Variants in PPARA observed in about 807,000 individuals in gnomAD.
PPARA encodes the protein peroxisome proliferator activated receptor alpha, also known as peroxisome proliferator-activated receptor alpha.
A neutral mutation model predicts 42.2 loss-of-function variants in PPARA; 22 were observed. That is an observed-to-expected ratio of 0.52 (90% CI 0.37 to 0.74). The LOEUF is 0.74. Ranked by LOEUF, PPARA falls within the 30% of genes least tolerant of loss-of-function variation. The pLI is 0.00. For synonymous variants in PPARA, 242 were observed against 239.3 expected (o/e 1.01, Z -0.10); for missense variants, 465 against 608.2 (o/e 0.76, Z 2.48).
At chr22:46,213,662 T>A (rs948765591) in intron 4 of PPARA, among the ~76,000 whole-genome samples, 3 of 151,874 alleles carry the variant, frequency 2.0e-5, no homozygotes, top group African/African-American at 7.3e-5. Flanking sequence ...CGATCTTGGC[T>A]CACTGCAAGC....
rs1415178631 is a variant in PPARA at position 46,184,757 on chromosome 22, A to C, written c.-43+7921A>C. Among the ~76,000 whole-genome samples, 1 of 152,222 alleles carries C rather than the reference A, an allele frequency of 6.6e-6. No individual in the cohort carries two copies. Among genetic ancestry groups the C allele is most frequent in the Non-Finnish European group, 1.5e-5 (1 of 68,036 alleles). On this transcript the variant is annotated intron_variant, in intron 3 of 8. Coordinates refer to ENST00000407236, the MANE Select transcript of PPARA (RefSeq NM_005036.6). This position sits in a 1 kb window ranked among gnomAD's most constrained non-coding sequence, Gnocchi z 4.4. Reference sequence around the variant, plus strand: ...GTAGTACCAGCTATTCGGGAGGCTGAGGCACGAGAATTGCTTTAACCTGGG... The same window carrying C: ...GTAGTACCAGCTATTCGGGAGGCTGCGGCACGAGAATTGCTTTAACCTGGG...
At position 46,171,969 on chromosome 22, in the gene PPARA, C is replaced by A. The variant is rs534483780; in HGVS notation, c.-126-4784C>A. Among the ~76,000 whole-genome samples, 2 of 152,068 alleles carry A rather than the reference C, an allele frequency of 1.3e-5. No individual in the cohort carries two copies. Among genetic ancestry groups the A allele is most frequent in the African/African-American group, 4.8e-5 (2 of 41,410 alleles). On this transcript the variant is annotated intron_variant, in intron 2 of 8. Transcript: ENST00000407236. This position sits in a 1 kb window ranked among gnomAD's most constrained non-coding sequence, Gnocchi z 5.0. ...CAGAGGGGCCTGAAGGGGTGGGGCC[C>A]GGCCAAGCAAGGTGGCTAAGTGGGA...
rs1462594620 is a variant in PPARA, at chr22:46,224,203, A to G, written c.711+4189A>G. On this transcript the variant is annotated intron_variant, in intron 7 of 8. Coordinates refer to ENST00000407236, the MANE Select transcript of PPARA (RefSeq NM_005036.6). The surrounding 1 kb of genome is among the most constrained non-coding windows in gnomAD (Gnocchi z 5.7). The stretch of plus-strand genomic sequence containing the variant: ...TCCCACCCCATGTCCTTGTCTGCGC[A>G]CGGGACGCTGGAGGCACGGCCCCCT... 6.6e-6 allele frequency among the ~76,000 whole-genome samples: 1 copy of G among 152,186 alleles called. No homozygotes were observed. The highest frequency in any genetic ancestry group is 1.5e-5 in the Non-Finnish European group (1 of 68,036).
Position 46,198,762 on chromosome 22 carries a change from A to G in PPARA, c.208+171A>G, listed in dbSNP as rs1033413965. On this transcript the variant is annotated intron_variant, in intron 4 of 8. Coordinates refer to ENST00000407236, the MANE Select transcript of PPARA (RefSeq NM_005036.6). ...TGCAGGCTCCACCTCCTGGGTTCAC[A>G]CCATTCTCCTGCCTCAGCCTCCCGA... Among the ~76,000 whole-genome samples the G allele has an allele frequency of 6.1e-5, 9 of 146,404 alleles. No individual in the cohort carries two copies. The South Asian group carries it at 6.4e-4, about 10-fold the overall frequency.
chr22:46,208,899 C>CGTGTGTGT (rs35658961), intron 4 of PPARA, among the ~76,000 whole-genome samples: 59 of 148,820 alleles, frequency 4.0e-4, no homozygotes, highest in African/African-American at 1.3e-3. Flanking sequence ...GAATAGTATT[C>CGTGTGTGT]GTGTGTGTGT....
In PPARA at chr22:46,235,029, T is replaced by C; in HGVS notation, c.1160-104T>C. On this transcript the variant is annotated intron_variant, in intron 8 of 8. Transcript: ENST00000407236. This position sits in a 1 kb window ranked among gnomAD's most constrained non-coding sequence, Gnocchi z 7.0. ...ATATCTAAAGGCAGCTCAGTTTTTTTCTAAGAAAGGCCACATAAAATAGGC... is the reference window on the plus strand; with the variant it reads ...ATATCTAAAGGCAGCTCAGTTTTTTCCTAAGAAAGGCCACATAAAATAGGC... The C allele has an allele frequency of 6.6e-7, 1 of 1,525,706 alleles. No homozygotes were observed. Among genetic ancestry groups the C allele is most frequent in the Non-Finnish European group, 9.1e-7 (1 of 1,102,894 alleles). 94.5% of individuals were successfully genotyped at this position (1,525,706 alleles called of 1,614,324 possible). A position where few individuals can be genotyped will look rare whatever the true frequency, so the allele number is the denominator to read the frequency against.
At chr22:46,199,330 G>C (rs1932745933) in intron 4 of PPARA, among the ~76,000 whole-genome samples, 1 of 152,096 alleles carries the variant, frequency 6.6e-6, no homozygotes, top group South Asian at 2.1e-4. Context: ...ATACTTCATA[G>C]CAATTTAAAA....
At position 46,233,916 on chromosome 22, in the gene PPARA, T is replaced by C. The variant is rs1255888407; in HGVS notation, c.1160-1217T>C. 6.6e-6 allele frequency among the ~76,000 whole-genome samples: 1 copy of C among 151,944 alleles called. No individual in the cohort carries two copies. Among genetic ancestry groups the C allele is most frequent in the African/African-American group, 2.4e-5 (1 of 41,344 alleles). The stretch of plus-strand genomic sequence containing the variant: ...TCAGGTCACTGCAACTTCCGCCTCC[T>C]GGGTTCAAGTGATTCGCCTGCCTCA... On this transcript the variant is annotated intron_variant, in intron 8 of 8. Coordinates refer to ENST00000407236, the MANE Select transcript of PPARA (RefSeq NM_005036.6). This position sits in a 1 kb window ranked among gnomAD's most constrained non-coding sequence, Gnocchi z 7.3.
rs1210241378 is a variant in PPARA, at chr22:46,231,361, G to C, written c.712-431G>C. On this transcript the variant is annotated intron_variant, in intron 7 of 8. Transcript: ENST00000407236. The surrounding 1 kb of genome is among the most constrained non-coding windows in gnomAD (Gnocchi z 7.7). ...AGCCTCCCGAGTAGCTGGGACTACA[G>C]GCGCCCGCCACCACACCCAGCTAAT... Among the ~76,000 whole-genome samples the C allele has an allele frequency of 2.6e-5, 4 of 152,118 alleles. No individual in the cohort carries two copies. The highest frequency in any genetic ancestry group is 5.9e-5 in the Non-Finnish European group (4 of 68,030).
chr22:46,166,631 AC>A (rs1241060056), intron 2 of PPARA, among the ~76,000 whole-genome samples: 4 of 151,950 alleles, frequency 2.6e-5, no homozygotes, highest in Non-Finnish European at 4.4e-5. Context: ...AAAAAAAAAA[AC>A]AAAAAACAGT....
rs1177044706 is a variant in PPARA, at chr22:46,225,745, G to T, written c.711+5731G>T. On this transcript the variant is annotated intron_variant, in intron 7 of 8. Coordinates refer to ENST00000407236, the MANE Select transcript of PPARA (RefSeq NM_005036.6). The surrounding 1 kb of genome is among the most constrained non-coding windows in gnomAD (Gnocchi z 4.1). Reference sequence around the variant, plus strand: ...CACACAAGCATCCATGCTCACATGGGTACACACTCACACATCCATGCATGC... The same window carrying T: ...CACACAAGCATCCATGCTCACATGGTTACACACTCACACATCCATGCATGC... Among the ~76,000 whole-genome samples the T allele has an allele frequency of 3.4e-5, 4 of 117,364 alleles. No homozygotes were observed. The highest frequency in any genetic ancestry group is 1.3e-4 in the African/African-American group (4 of 30,038). The allele number at this position is 117,364 out of a possible 152,430, so 77.0% of individuals were successfully genotyped here. A position where few individuals can be genotyped will look rare whatever the true frequency, so the allele number is the denominator to read the frequency against.
rs1934845069 is a variant in PPARA, at chr22:46,219,770, G to A, written c.509-42G>A. The A allele has an allele frequency of 6.2e-7, 1 of 1,603,418 alleles. No homozygotes were observed. Among genetic ancestry groups the A allele is most frequent in the South Asian group, 1.1e-5 (1 of 90,578 alleles). ...CGTCCAGCCCTGTCCGCGCAGTCAT[G>A]ACCTCACTGCTCATGCCTGTGTTTC... On this transcript the variant is annotated intron_variant, in intron 6 of 8. Coordinates refer to ENST00000407236, the MANE Select transcript of PPARA (RefSeq NM_005036.6). The surrounding 1 kb of genome is among the most constrained non-coding windows in gnomAD (Gnocchi z 4.8).
intron 3 of PPARA, among the ~76,000 whole-genome samples, chr22:46,197,262 C>G (rs1932372962): frequency 6.6e-6 from 1 of 151,538 alleles, no homozygotes; most frequent in African/African-American, 2.4e-5. Context: ...GTTGGCCAGT[C>G]TGGTCTCAAA....
rs1035907767 is a variant in PPARA, at chr22:46,240,624, C to A, written c.*5244C>A. ...TCACCCATGAAGACTGATGCCACCACCTGAAGGCTCATGATTGTTAAAAAT... is the reference window on the plus strand; with the variant it reads ...TCACCCATGAAGACTGATGCCACCAACTGAAGGCTCATGATTGTTAAAAAT... On this transcript the variant is annotated 3_prime_UTR_variant, in exon 9 of 9. Transcript: ENST00000407236. The surrounding 1 kb of genome is among the most constrained non-coding windows in gnomAD (Gnocchi z 6.0). The A allele has an allele frequency of 5.7e-6, 1 of 176,364 alleles. No individual in the cohort carries two copies. Among genetic ancestry groups the A allele is most frequent in the South Asian group, 2.0e-4 (1 of 5,022 alleles). The allele number at this position is 176,364 out of a possible 1,614,324, so 10.9% of individuals were successfully genotyped here.
chr22:46,159,087 C>CA (rs907617974), intron 2 of PPARA, among the ~76,000 whole-genome samples: 41 of 152,202 alleles, frequency 2.7e-4, no homozygotes, highest in African/African-American at 9.4e-4. Context: ...GACGGGCTTT[C>CA]ACCATGTTGG....
chr22:46,187,276 A>G lies in PPARA; in HGVS notation c.-43+10440A>G, dbSNP rs1234762910. 2.0e-5 allele frequency among the ~76,000 whole-genome samples: 3 copies of G among 152,194 alleles called. No homozygotes were observed. Among genetic ancestry groups the G allele is most frequent in the Non-Finnish European group, 2.9e-5 (2 of 68,036 alleles). On this transcript the variant is annotated intron_variant, in intron 3 of 8. Transcript: ENST00000407236. This position sits in a 1 kb window ranked among gnomAD's most constrained non-coding sequence, Gnocchi z 4.9. ...TAAAACTGAACTCATGGCCAGGTGC[A>G]TTGGCTCATGCCTGTAATCCCTTCT...
rs1420732377 is a variant in PPARA, at chr22:46,203,646, A to T, written c.208+5055A>T. Among the ~76,000 whole-genome samples, 1 of 152,188 alleles carries T rather than the reference A, an allele frequency of 6.6e-6. No individual in the cohort carries two copies. Among genetic ancestry groups the T allele is most frequent in the Non-Finnish European group, 1.5e-5 (1 of 68,032 alleles). ...TGGGCGAAAAGGAAAAAAGAAAAAA[A>T]CTCTCAGCAAAGCTAGAGGGGATCC... On this transcript the variant is annotated intron_variant, in intron 4 of 8. Transcript: ENST00000407236. This position sits in a 1 kb window ranked among gnomAD's most constrained non-coding sequence, Gnocchi z 5.8.
rs528381734 is a variant in PPARA, at chr22:46,237,945, A to G, written c.*2565A>G. 1.3e-5 allele frequency: 2 copies of G among 152,416 alleles called. No individual in the cohort carries two copies. The highest frequency in any genetic ancestry group is 2.1e-4 in the South Asian group (1 of 4,830). The allele number at this position is 152,416 out of a possible 1,614,324, so 9.4% of individuals were successfully genotyped here. On this transcript the variant is annotated 3_prime_UTR_variant, in exon 9 of 9. Coordinates refer to ENST00000407236, the MANE Select transcript of PPARA (RefSeq NM_005036.6). This position sits in a 1 kb window ranked among gnomAD's most constrained non-coding sequence, Gnocchi z 6.7. Reference sequence around the variant, plus strand: ...GCCATTCAAGGAGATGTGGTCCAGGAAAGTGAGCCTCATGGTTTTCAGAGA... The same window carrying G: ...GCCATTCAAGGAGATGTGGTCCAGGGAAGTGAGCCTCATGGTTTTCAGAGA...
Position 46,198,404 on chromosome 22 carries a change from A to C in PPARA, c.21A>C (p.Pro7=). MVDTES[P]LCPLSPLEAG... ...TCGCGATGGTGGACACGGAAAGCCC[A>C]CTCTGCCCCCTCTCCCCACTCGAGG... The change falls in exon 4 of 9, where the codon CCA becomes CCC. Residue 7 remains proline (P), a synonymous_variant. Coordinates refer to ENST00000407236, the MANE Select transcript of PPARA (RefSeq NM_005036.6). 6.2e-7 allele frequency: 1 copy of C among 1,613,674 alleles called. No individual in the cohort carries two copies.
Sources: allele counts gnomAD v4.1 joint callset (sites outside exome capture counted in the v4.1 genomes callset), GRCh38; gene constraint gnomAD v4.1.1; non-coding constraint Gnocchi (gnomAD v3.1); transcripts MANE v1.5; gene names NCBI Gene and HGNC (gene_info 2026-07-23, HGNC 2026-07-21).